Variants in PLXDC2 observed in about 807,000 individuals in gnomAD.
PLXDC2 encodes the protein plexin domain containing 2.
A neutral mutation model predicts 68.9 loss-of-function variants in PLXDC2; 40 were observed. The observed-to-expected ratio is 0.58, with a 90% CI of 0.45 to 0.76. The LOEUF (loss-of-function observed/expected upper bound fraction) is 0.76, where lower values mean the gene tolerates loss of function less well. Among genes scored for constraint, PLXDC2 ranks in the 30% least tolerant of loss-of-function variants. The probability of loss-of-function intolerance (pLI) is 0.00; values close to 1 mark genes in which losing one functional copy is unlikely to be tolerated. For synonymous variants in PLXDC2, 243 were observed against 234.2 expected, an observed-to-expected ratio of 1.04 and a Z score of -0.34; for missense variants, 644 against 661.9, an observed-to-expected ratio of 0.97 and a Z score of 0.30.
chr10:20,025,037 A>G (rs571053544), intron 2 of PLXDC2, among the ~76,000 whole-genome samples: 7 of 152,294 alleles, frequency 4.6e-5, no homozygotes, highest in African/African-American at 1.7e-4. Flanking sequence ...ATACAAGTGC[A>G]GGTGTCTTTT....
chr10:20,202,230 A>G (rs868152370), intron 9 of PLXDC2, among the ~76,000 whole-genome samples: 3 of 152,182 alleles, frequency 2.0e-5, no homozygotes, highest in East Asian at 3.9e-4. Flanking sequence ...TTTAGCTTCA[A>G]TACGTACACA....
At chr10:19,996,757 C>T (rs559845996) in intron 1 of PLXDC2, among the ~76,000 whole-genome samples, 2 of 152,144 alleles carry the variant, frequency 1.3e-5, no homozygotes, top group South Asian at 2.1e-4. Flanking sequence ...TTCCATGTGG[C>T]TGGGGAGGCC....
chr10:19,922,116 C>T (rs1833470444), intron 1 of PLXDC2, among the ~76,000 whole-genome samples: 1 of 152,182 alleles, frequency 6.6e-6, no homozygotes, highest in African/African-American at 2.4e-5. Context: ...GCCGCAGCCT[C>T]CCAAAGTGCT....
intron 1 of PLXDC2, among the ~76,000 whole-genome samples, chr10:19,933,659 A>AAAACACACAC (rs1392263792): frequency 5.9e-5 from 9 of 151,754 alleles, no homozygotes. Flanking sequence ...AACAACAAAC[A>AAAACACACAC]AAACACACAC....
chr10:20,237,357 G>A (rs887088445), intron 12 of PLXDC2, among the ~76,000 whole-genome samples: 10 of 152,150 alleles, frequency 6.6e-5, no homozygotes, highest in East Asian at 3.9e-4. Flanking sequence ...AAAAAAAATA[G>A]TATCACTGTG....
chr10:20,118,137 C>CAG (rs898738455), intron 4 of PLXDC2, among the ~76,000 whole-genome samples: 1 of 149,594 alleles, frequency 6.7e-6, no homozygotes, highest in African/African-American at 2.5e-5. Context: ...CACACACACA[C>CAG]AGACACACAC....
chr10:20,069,228 A>T (rs1836274553), intron 4 of PLXDC2, among the ~76,000 whole-genome samples: 1 of 152,194 alleles, frequency 6.6e-6, no homozygotes, highest in Admixed American at 6.5e-5. Context: ...GTAATCAGAA[A>T]TATCAACAAG....
chr10:19,825,524 G>C (rs376667083), intron 1 of PLXDC2, among the ~76,000 whole-genome samples: 1 of 152,188 alleles, frequency 6.6e-6, no homozygotes, highest in South Asian at 2.1e-4. Context: ...TTGAACATTC[G>C]ATAATGTTTT....
At chr10:19,926,907 C>T (rs1833545567) in intron 1 of PLXDC2, among the ~76,000 whole-genome samples, 1 of 152,170 alleles carries the variant, frequency 6.6e-6, no homozygotes, top group Non-Finnish European at 1.5e-5. Flanking sequence ...CAGGTAGCTC[C>T]TAACCTAGGA....
intron 1 of PLXDC2, among the ~76,000 whole-genome samples, chr10:19,991,177 C>T (rs549307751): frequency 6.0e-4 from 90 of 150,460 alleles, no homozygotes; most frequent in African/African-American, 2.1e-3. Context: ...ACCTGGGAGG[C>T]AGAGGTTGCG....
At chr10:19,990,883 G>T (rs1408712861) in intron 1 of PLXDC2, among the ~76,000 whole-genome samples, 2 of 152,108 alleles carry the variant, frequency 1.3e-5, no homozygotes, top group African/African-American at 2.4e-5. Context: ...TTCATATCCA[G>T]ATTTAAATGT....
chr10:20,270,279 T>G (rs1835921585), intron 13 of PLXDC2, among the ~76,000 whole-genome samples: 1 of 152,016 alleles, frequency 6.6e-6, no homozygotes, highest in Non-Finnish European at 1.5e-5. Context: ...TGCGTAAAGG[T>G]TTATATGTGA....
chr10:19,829,031 G>C (rs1252503768), intron 1 of PLXDC2, among the ~76,000 whole-genome samples: 2 of 152,020 alleles, frequency 1.3e-5, no homozygotes, highest in African/African-American at 4.8e-5. Flanking sequence ...GAAGGTATCT[G>C]GTCCTGTTTG....
chr10:20,046,965 G>C lies in PLXDC2; in HGVS notation c.421G>C (p.Asp141His), dbSNP rs1350202150. ...LWVNIDQMEK[D>H]KVKIHGILSN... ...GGTGAACATAGACCAAATGGAAAAA[G>C]ATAAAGTGAAGATTCATGGAATATT... The change falls in exon 3 of 14, where the codon GAT becomes CAT. Residue 141 changes from aspartate to histidine, a missense_variant. By Grantham distance (81) the Asp-to-His change is moderately conservative (BLOSUM62 -1). This residue lies in a region of PLXDC2 where 113 missense variants were observed against 167.1 expected (regional missense o/e 0.68). Transcript: ENST00000377252. 1 of 1,612,168 alleles carries C rather than the reference G, an allele frequency of 6.2e-7. No homozygotes were observed. The highest frequency in any genetic ancestry group is 1.3e-5 in the African/African-American group (1 of 74,822).
At chr10:20,109,136 A>C (rs1344481144) in intron 4 of PLXDC2, among the ~76,000 whole-genome samples, 1 of 152,130 alleles carries the variant, frequency 6.6e-6, no homozygotes, top group African/African-American at 2.4e-5. Context: ...CGGTTACGAT[A>C]TTTATTTATT....
chr10:19,960,033 T>C (rs1029766481), intron 1 of PLXDC2, among the ~76,000 whole-genome samples: 3 of 151,978 alleles, frequency 2.0e-5, no homozygotes. Context: ...ATACTTGTTA[T>C]GGAAAGGGAA....
At chr10:20,010,123 G>A (rs1835087140) in intron 2 of PLXDC2, among the ~76,000 whole-genome samples, 2 of 152,204 alleles carry the variant, frequency 1.3e-5, no homozygotes, top group South Asian at 4.1e-4. Flanking sequence ...TTAATTGCAG[G>A]TCTCTGTCAT....
chr10:19,912,193 C>T (rs1264756509), intron 1 of PLXDC2, among the ~76,000 whole-genome samples: 1 of 152,158 alleles, frequency 6.6e-6, no homozygotes, highest in African/African-American at 2.4e-5. Context: ...CTGCTGAATG[C>T]TTTATCTTAG....
chr10:20,048,105 T>C (rs2131684382), intron 3 of PLXDC2, among the ~76,000 whole-genome samples: 1 of 152,254 alleles, frequency 6.6e-6, no homozygotes, highest in South Asian at 2.1e-4. Context: ...TCATTATTGA[T>C]ATAAACACAG....
Sources: gnomAD v4.1 joint callset for allele counts (sites outside exome capture counted in the v4.1 genomes callset) on GRCh38, gnomAD v4.1.1 for gene constraint, gnomAD v4.1.1 regional missense constraint, MANE v1.5 for transcripts, NCBI Gene and HGNC (gene_info 2026-07-23, HGNC 2026-07-21) for gene names.